Variants in KCNMA1 observed in about 807,000 individuals in gnomAD.
The protein encoded by KCNMA1 is potassium calcium-activated channel subfamily M alpha 1, also known as Calcium-activated potassium channel subunit alpha-1.
In KCNMA1, 29 loss-of-function variants were observed where a neutral mutation model predicts 140.0. The observed-to-expected ratio is 0.21, with a 90% CI of 0.15 to 0.28. KCNMA1 has a LOEUF of 0.28. KCNMA1 is among the 10% of genes least tolerant of loss of function. KCNMA1 has a pLI of 1.00. For missense variants in KCNMA1, 880 were observed against 1,602.2 expected (o/e 0.55, Z 7.70); for synonymous variants, 612 against 611.9 (o/e 1.00, Z 0.00).
rs1283964947 is a variant in KCNMA1, at chr10:77,618,920, A to G, written c.378+18345T>C. ...GGGAGAAGGAGGACAAGAAAAGAGA[A>G]GTCCGGCAGTGTGAACAGCATGTGT... On this transcript the variant is annotated intron_variant, in intron 1 of 27. Transcript: ENST00000286628. 2.0e-5 allele frequency among the ~76,000 whole-genome samples: 3 copies of G among 152,234 alleles called. No homozygotes were observed. In the East Asian group the frequency reaches 5.8e-4, roughly 29 times the overall value.
At chr10:76,969,898 G>T in intron 20 of KCNMA1, 76 bp downstream of exon 20, 4 of 1,178,688 alleles carry the variant, frequency 3.4e-6, no homozygotes, top group Non-Finnish European at 5.1e-6. Context: ...TCTGGGCCTG[G>T]CAGGGTGAGG....
At chr10:77,533,038 G>A (rs962565110) in intron 1 of KCNMA1, among the ~76,000 whole-genome samples, 2 of 152,170 alleles carry the variant, frequency 1.3e-5, no homozygotes, top group South Asian at 2.1e-4. Flanking sequence ...TGCAATAGTA[G>A]AAGCTCTACT....
At chr10:77,008,133 A>G (rs907301888) in intron 18 of KCNMA1, 14 of 1,506,140 alleles carry the variant, frequency 9.3e-6, no homozygotes, top group Non-Finnish European at 1.2e-5. Flanking sequence ...TCTCTTCTAG[A>G]GAAAGACAGG....
intron 15 of KCNMA1, among the ~76,000 whole-genome samples, chr10:77,035,400 A>C (rs977997162): frequency 3.3e-5 from 5 of 152,162 alleles, no homozygotes; most frequent in African/African-American, 1.2e-4. Flanking sequence ...TGCATCTACC[A>C]CAGCACTTAT....
chr10:76,933,933 TTTTC>T (rs777078949), intron 23 of KCNMA1, among the ~76,000 whole-genome samples: 25 of 151,854 alleles, frequency 1.6e-4, no homozygotes, highest in African/African-American at 5.3e-4. Context: ...CAGTGCCACT[TTTTC>T]TTTCTTTCTT....
At chr10:77,372,526 C>A (rs1184110492) in intron 2 of KCNMA1, among the ~76,000 whole-genome samples, 1 of 152,176 alleles carries the variant, frequency 6.6e-6, no homozygotes, top group Non-Finnish European at 1.5e-5. Flanking sequence ...CCAAGTCACT[C>A]CTCTCTCTAG....
At chr10:77,038,343 AG>A (rs1254365345) in intron 15 of KCNMA1, among the ~76,000 whole-genome samples, 2 of 152,194 alleles carry the variant, frequency 1.3e-5, no homozygotes, top group Non-Finnish European at 2.9e-5. Context: ...GTATGTAGGC[AG>A]GAAGTGCAAG....
At chr10:77,289,587 T>C (rs984112390) in intron 2 of KCNMA1, among the ~76,000 whole-genome samples, 1 of 152,206 alleles carries the variant, frequency 6.6e-6, no homozygotes, top group African/African-American at 2.4e-5. Context: ...ATGACACAGA[T>C]GACCCATAAA....
chr10:77,590,982 G>A (rs1431096254), intron 1 of KCNMA1, among the ~76,000 whole-genome samples: 4 of 152,168 alleles, frequency 2.6e-5, no homozygotes, highest in African/African-American at 4.8e-5. Flanking sequence ...GGTGCCAGGC[G>A]AGAAAACAGA....
At chr10:76,931,587 C>T (rs1011949275) in intron 23 of KCNMA1, among the ~76,000 whole-genome samples, 4 of 151,768 alleles carry the variant, frequency 2.6e-5, no homozygotes, top group African/African-American at 4.8e-5. Flanking sequence ...TAGCATGGGT[C>T]CTGCTCTGGA....
At chr10:77,612,380 G>A (rs1319108187) in intron 1 of KCNMA1, among the ~76,000 whole-genome samples, 1 of 152,164 alleles carries the variant, frequency 6.6e-6, no homozygotes, top group African/African-American at 2.4e-5. Context: ...GGGCAGGTGG[G>A]GAGCCTCAAA....
intron 1 of KCNMA1, among the ~76,000 whole-genome samples, chr10:77,457,871 G>A (rs563218713): frequency 3.9e-5 from 6 of 152,076 alleles, no homozygotes; most frequent in Admixed American, 3.9e-4. Flanking sequence ...TTCCATTCCA[G>A]GAAAAAAAGT....
At chr10:77,320,153 A>G (rs1289244894) in intron 2 of KCNMA1, among the ~76,000 whole-genome samples, 4 of 152,146 alleles carry the variant, frequency 2.6e-5, no homozygotes, top group Admixed American at 1.3e-4. Flanking sequence ...CCCTTACTCC[A>G]TGAGACTCAT....
intron 1 of KCNMA1, among the ~76,000 whole-genome samples, chr10:77,456,125 C>A (rs2097759337): frequency 6.6e-6 from 1 of 152,176 alleles, no homozygotes; most frequent in Admixed American, 6.5e-5. Flanking sequence ...CCCAGGGAAG[C>A]AAGAAGAGTC....
chr10:77,214,140 G>T (rs908568803), intron 3 of KCNMA1, among the ~76,000 whole-genome samples: 4 of 152,170 alleles, frequency 2.6e-5, no homozygotes, highest in Non-Finnish European at 5.9e-5. Flanking sequence ...GACTGGTTTC[G>T]CTTTAAATTC....
chr10:77,504,757 C>G (rs1342634845), intron 1 of KCNMA1, among the ~76,000 whole-genome samples: 7 of 152,064 alleles, frequency 4.6e-5, no homozygotes, highest in Non-Finnish European at 1.0e-4. Context: ...GTCACCATGT[C>G]CAGCCAGGAA....
At chr10:77,150,789 G>A (rs2098403747) in intron 5 of KCNMA1, among the ~76,000 whole-genome samples, 1 of 152,198 alleles carries the variant, frequency 6.6e-6, no homozygotes, top group Admixed American at 6.5e-5. Context: ...AGTTTCTGGT[G>A]ATTCTAAGTA....
At chr10:77,101,771 T>C (rs1307152379) in intron 9 of KCNMA1, among the ~76,000 whole-genome samples, 1 of 152,090 alleles carries the variant, frequency 6.6e-6, no homozygotes, top group Non-Finnish European at 1.5e-5. Flanking sequence ...ATGAGAGCAG[T>C]CCGCCCCTTG....
chr10:77,040,976 T>C (rs1312508818), intron 14 of KCNMA1, among the ~76,000 whole-genome samples: 1 of 152,190 alleles, frequency 6.6e-6, no homozygotes, highest in Non-Finnish European at 1.5e-5. Context: ...TTTCACAATG[T>C]AGTGAATCTT....
Sources: gnomAD v4.1 joint callset for allele counts (sites outside exome capture counted in the v4.1 genomes callset) on GRCh38, gnomAD v4.1.1 for gene constraint, MANE v1.5 for transcripts, NCBI Gene and HGNC (gene_info 2026-07-23, HGNC 2026-07-21) for gene names.